LUC7L3: variants seen among roughly 807,000 people sequenced by gnomAD.
LUC7L3 encodes LUC7 like 3 pre-mRNA splicing factor, also known as luc7-like protein 3.
LUC7L3 carries 6 observed loss-of-function variants against 66.8 expected under a neutral mutation model. The ratio of observed to expected loss-of-function variants is 0.09; its 90% CI spans 0.05 to 0.18. The LOEUF is 0.18. Ranked by LOEUF, LUC7L3 falls within the 10% of genes least tolerant of loss-of-function variation. The pLI is 1.00. For synonymous variants in LUC7L3, 160 were observed against 174.7 expected (o/e 0.92, Z 0.66); for missense variants, 341 against 531.1 (o/e 0.64, Z 3.52).
chr17:50,724,261 C>A, intron 1 of LUC7L3: 1 of 176,850 alleles, frequency 5.7e-6, no homozygotes, highest in Non-Finnish European at 1.2e-5. Flanking sequence ...TGGTGGGTCA[C>A]CTGTAATCTC....
At chr17:50,746,829 T>C (rs1970698011) in intron 9 of LUC7L3, 127 bp downstream of exon 9, 2 of 700,426 alleles carry the variant, frequency 2.9e-6, no homozygotes, top group African/African-American at 1.8e-5. Context: ...GGAATGCCAT[T>C]CAGTAGGAGA....
chr17:50,747,621 GTGTT>G (rs1256778163), intron 9 of LUC7L3, among the ~76,000 whole-genome samples: 1 of 152,004 alleles, frequency 6.6e-6, no homozygotes, highest in Non-Finnish European at 1.5e-5. Flanking sequence ...AGTCTTTTGT[GTGTT>G]GTTTGTTTAT....
Position 50,746,626 on chromosome 17 carries a change from A to G in LUC7L3, c.1062A>G (p.Lys354=), listed in dbSNP as rs1970684781. ...GAAGTCGGGATCGAAGAAGATCAAA[A>G]AGCCGGGATCGAAAGTCATATAAGC... ...RSRSRDRRRS[K]SRDRKSYKHR... The change falls in exon 9 of 10, where the codon AAA becomes AAG. Residue 354 remains lysine (K), a synonymous_variant. Coordinates refer to ENST00000505658, the MANE Select transcript of LUC7L3 (RefSeq NM_016424.5). The G allele has an allele frequency of 6.2e-7, 1 of 1,614,058 alleles. No homozygotes were observed.
intron 1 of LUC7L3, among the ~76,000 whole-genome samples, chr17:50,735,090 T>A (rs1969886879): frequency 6.6e-6 from 1 of 151,484 alleles, no homozygotes; most frequent in Non-Finnish European, 1.5e-5. Context: ...ATTGGCCGGG[T>A]GTGGTGGCGC....
At chr17:50,728,634 A>G (rs1441100073) in intron 1 of LUC7L3, among the ~76,000 whole-genome samples, 1 of 152,064 alleles carries the variant, frequency 6.6e-6, no homozygotes, top group Non-Finnish European at 1.5e-5. Flanking sequence ...CTCACTGCAA[A>G]CCTCCGCTTC....
At chr17:50,721,869 T>G (rs1041212174) in intron 1 of LUC7L3, among the ~76,000 whole-genome samples, 3 of 152,136 alleles carry the variant, frequency 2.0e-5, no homozygotes, top group African/African-American at 7.2e-5. Flanking sequence ...CATACTTGCA[T>G]TAAATGGAAG....
At chr17:50,728,709 A>G (rs112205386) in intron 1 of LUC7L3, among the ~76,000 whole-genome samples, 1 of 152,254 alleles carries the variant, frequency 6.6e-6, no homozygotes, top group African/African-American at 2.4e-5. Context: ...GTGTGCCTCC[A>G]TGCTTGGCTA....
At chr17:50,742,165 A>G (rs1220848059) in intron 5 of LUC7L3, among the ~76,000 whole-genome samples, 1 of 152,202 alleles carries the variant, frequency 6.6e-6, no homozygotes, top group Non-Finnish European at 1.5e-5. Context: ...GTCGTTAGGG[A>G]AATACAGATT....
chr17:50,725,073 T>C (rs1414432683), intron 1 of LUC7L3, among the ~76,000 whole-genome samples: 2 of 152,112 alleles, frequency 1.3e-5, no homozygotes, highest in African/African-American at 4.8e-5. Context: ...CTTCATTTCT[T>C]ATAGTAAGTT....
At chr17:50,744,886 A>G in intron 7 of LUC7L3, 73 bp downstream of exon 7, 1 of 1,242,952 alleles carries the variant, frequency 8.0e-7, no homozygotes, top group Non-Finnish European at 1.1e-6. Context: ...ATCTCAGCTC[A>G]CTGCCACCTC....
chr17:50,749,754 G>A (rs533100324), intron 9 of LUC7L3, among the ~76,000 whole-genome samples: 2 of 152,290 alleles, frequency 1.3e-5, no homozygotes, highest in South Asian at 4.1e-4. Context: ...GAACTGAAAA[G>A]GCTAGACTAT....
chr17:50,738,588 A>G (rs183854338), intron 2 of LUC7L3, among the ~76,000 whole-genome samples: 7 of 152,330 alleles, frequency 4.6e-5, no homozygotes, highest in Admixed American at 2.0e-4. Context: ...TTTCTGAAAA[A>G]CAGCTCTTAG....
chr17:50,748,000 C>A (rs1201887705), intron 9 of LUC7L3, among the ~76,000 whole-genome samples: 1 of 152,210 alleles, frequency 6.6e-6, no homozygotes, highest in Non-Finnish European at 1.5e-5. Flanking sequence ...GAGAGGTCAA[C>A]TCTTAAGAGC....
chr17:50,729,740 C>T (rs1969436246), intron 1 of LUC7L3, among the ~76,000 whole-genome samples: 1 of 151,758 alleles, frequency 6.6e-6, no homozygotes, highest in Non-Finnish European at 1.5e-5. Flanking sequence ...AATTTTTTTT[C>T]CCCTCATCAC....
Position 50,751,318 on chromosome 17 carries a change from A to C in LUC7L3, c.*657A>C. 1 of 1,305,710 alleles carries C rather than the reference A, an allele frequency of 7.7e-7. No homozygotes were observed. The highest frequency in any genetic ancestry group is 1.0e-6 in the Non-Finnish European group (1 of 999,868). 80.9% of individuals were successfully genotyped at this position (1,305,710 alleles called of 1,614,324 possible). A position where few individuals can be genotyped will look rare whatever the true frequency, so the allele number is the denominator to read the frequency against. ...ACAGCGTTGGTGTTGTGAGCGGCCCATGAAAAGCCAAATTAAAAATCAAGG... is the reference window on the plus strand; with the variant it reads ...ACAGCGTTGGTGTTGTGAGCGGCCCCTGAAAAGCCAAATTAAAAATCAAGG... On this transcript the variant is annotated 3_prime_UTR_variant, in exon 10 of 10. Coordinates refer to ENST00000505658, the MANE Select transcript of LUC7L3 (RefSeq NM_016424.5).
intron 2 of LUC7L3, chr17:50,737,304 G>GAT (rs1310857134): frequency 1.9e-6 from 1 of 535,802 alleles, no homozygotes; most frequent in African/African-American, 1.9e-5. Flanking sequence ...TGGAAGAGGA[G>GAT]ATAACATTAG....
chr17:50,737,654 C>T (rs1308329262), intron 2 of LUC7L3, among the ~76,000 whole-genome samples: 1 of 152,058 alleles, frequency 6.6e-6, no homozygotes, highest in Non-Finnish European at 1.5e-5. Flanking sequence ...CACTAGATAA[C>T]CAGTAGCACC....
chr17:50,729,894 CAT>C (rs1491295875), intron 1 of LUC7L3, among the ~76,000 whole-genome samples: 12,372 of 103,206 alleles, frequency 0.12, 901 homozygotes, highest in Middle Eastern at 0.24. Flanking sequence ...AATATAAATA[CAT>C]TATATATATA....
chr17:50,737,301 G>A, intron 2 of LUC7L3: 1 of 547,010 alleles, frequency 1.8e-6, no homozygotes. Flanking sequence ...ATTTGGAAGA[G>A]GAGATAACAT....
Sources: allele counts gnomAD v4.1 joint callset (sites outside exome capture counted in the v4.1 genomes callset), GRCh38; gene constraint gnomAD v4.1.1; transcripts MANE v1.5; gene names NCBI Gene and HGNC (gene_info 2026-07-23, HGNC 2026-07-21).